KIF5C: variants seen among roughly 807,000 people sequenced by gnomAD.
The protein encoded by KIF5C is kinesin family member 5C.
KIF5C carries 18 observed loss-of-function variants against 125.2 expected under a neutral mutation model. The observed-to-expected ratio is 0.14, with a 90% confidence interval of 0.10 to 0.21. The LOEUF is 0.21. KIF5C is among the 10% of genes least tolerant of loss of function. The pLI, the probability that KIF5C is intolerant of heterozygous loss-of-function variation, is 1.00. For synonymous variants in KIF5C, 405 were observed against 434.0 expected (o/e 0.93, Z 0.83); for missense variants, 780 against 1,183.8 (o/e 0.66, Z 5.01).
At chr2:148,942,819 A>T in intron 7 of KIF5C, 59 bp downstream of exon 7, 1 of 1,568,000 alleles carries the variant, frequency 6.4e-7, no homozygotes, top group East Asian at 2.4e-5. Context: ...TCTGCCCACC[A>T]ACCGAGGGGG....
intron 1 of KIF5C, among the ~76,000 whole-genome samples, chr2:148,886,942 G>A (rs1470701313): frequency 1.3e-5 from 2 of 152,182 alleles, no homozygotes; most frequent in Middle Eastern, 3.4e-3. Flanking sequence ...ATGTTTTCTG[G>A]TCTAGACATT....
At chr2:149,009,346 G>T (rs1393799094) in intron 23 of KIF5C, among the ~76,000 whole-genome samples, 1 of 152,140 alleles carries the variant, frequency 6.6e-6, no homozygotes, top group Non-Finnish European at 1.5e-5. Context: ...TGTACTCTCT[G>T]CCAGGCACTA....
rs746931422 is a variant in KIF5C, at chr2:149,007,981, G to A, written c.2464G>A (p.Asp822Asn). ...AATGCAGAGTGTGGAGTTGGACAAC[G>A]ATGATGGAGGGGGCAGTGCTGCCCA... ...RVKKSVELDN[D>N]DGGGSAAQKQ... is the part of the protein sequence containing the mutation. The change falls in exon 23 of 26, where the codon GAT becomes AAT. Residue 822 changes from aspartate (D) to asparagine (N), a missense_variant. Asp to Asn is a conservative substitution (Grantham distance 23). Coordinates refer to ENST00000435030, the MANE Select transcript of KIF5C (RefSeq NM_004522.3). 3.1e-6 allele frequency: 5 copies of A among 1,608,668 alleles called. No individual in the cohort carries two copies. Among genetic ancestry groups the A allele is most frequent in the Non-Finnish European group, 4.3e-6 (5 of 1,176,200 alleles).
chr2:148,950,537 A>T (rs1682632726), intron 10 of KIF5C, 75 bp downstream of exon 10: 5 of 1,515,130 alleles, frequency 3.3e-6, no homozygotes, highest in African/African-American at 2.7e-5. Context: ...GGCTGGGTGC[A>T]ATGGCTCACA....
chr2:148,906,190 A>G (rs1681100382), intron 1 of KIF5C, among the ~76,000 whole-genome samples: 1 of 152,186 alleles, frequency 6.6e-6, no homozygotes, highest in Non-Finnish European at 1.5e-5. Flanking sequence ...TTCTCTTGCC[A>G]GTAAATTCAG....
intron 10 of KIF5C, among the ~76,000 whole-genome samples, chr2:148,957,919 G>T (rs1362646645): frequency 1.3e-5 from 2 of 151,154 alleles, no homozygotes; most frequent in Non-Finnish European, 2.9e-5. Flanking sequence ...AACATAGATT[G>T]TTATTGCCTG....
chr2:148,926,467 G>A (rs192949951), intron 2 of KIF5C, among the ~76,000 whole-genome samples: 89 of 152,338 alleles, frequency 5.8e-4, no homozygotes, highest in Non-Finnish European at 1.0e-3. Flanking sequence ...AATGCATTCC[G>A]TGGGCCCAGG....
At chr2:148,998,290 C>G (rs1460023325) in intron 18 of KIF5C, 110 bp from the exon 19 acceptor site, 1 of 1,485,854 alleles carries the variant, frequency 6.7e-7, no homozygotes, top group Non-Finnish European at 9.0e-7. Context: ...GTTTTGGGAT[C>G]TGACATCTGA....
intron 17 of KIF5C, 117 bp from the exon 18 acceptor site, chr2:148,997,147 A>G (rs1386733642): frequency 1.4e-6 from 2 of 1,448,426 alleles, no homozygotes; most frequent in Admixed American, 2.3e-5. Context: ...GTAATTGCTG[A>G]TATAAGCTGA....
rs140919650 is a variant in KIF5C at position 148,949,250 on chromosome 2, C to T, written c.715-589C>T. Among the ~76,000 whole-genome samples the T allele has an allele frequency of 1.6e-3, 244 of 152,246 alleles. 2 individuals carry two copies. The highest frequency in any genetic ancestry group is 0.014 in the Middle Eastern group (4 of 294). Reference sequence around the variant, plus strand: ...CTGCAGAGGAAAAAAGACAAATTTACGATGCAGTATACATTTGACTTTTCA... The same window carrying T: ...CTGCAGAGGAAAAAAGACAAATTTATGATGCAGTATACATTTGACTTTTCA... On this transcript the variant is annotated intron_variant, in intron 8 of 25. Transcript: ENST00000435030.
intron 3 of KIF5C, among the ~76,000 whole-genome samples, chr2:148,932,143 A>G (rs1365391724): frequency 1.3e-5 from 2 of 152,192 alleles, no homozygotes; most frequent in African/African-American, 4.8e-5. Context: ...CTGGAATGCA[A>G]TTAAGTCAAA....
intron 10 of KIF5C, among the ~76,000 whole-genome samples, chr2:148,959,924 T>C (rs538603089): frequency 1.3e-5 from 2 of 152,346 alleles, no homozygotes; most frequent in African/African-American, 4.8e-5. Context: ...AATCTTTTCC[T>C]TCTAGCCTTC....
chr2:148,980,692 T>TTATG (rs977643642), intron 13 of KIF5C, among the ~76,000 whole-genome samples: 1 of 139,818 alleles, frequency 7.2e-6, no homozygotes, highest in Non-Finnish European at 1.5e-5. Context: ...ATTTATTTAT[T>TTATG]TATTTATTTA....
chr2:148,885,375 G>C (rs1681487430), intron 1 of KIF5C, among the ~76,000 whole-genome samples: 1 of 152,180 alleles, frequency 6.6e-6, no homozygotes, highest in South Asian at 2.1e-4. Flanking sequence ...CTGCTCTGTG[G>C]CCTTCTCCCT....
intron 21 of KIF5C, among the ~76,000 whole-genome samples, chr2:149,002,949 G>A (rs971521913): frequency 6.6e-6 from 1 of 152,124 alleles, no homozygotes; most frequent in Non-Finnish European, 1.5e-5. Context: ...CTCCCTGCTC[G>A]TCCGTTCTCT....
chr2:148,971,631 AT>A (rs1680912458), intron 11 of KIF5C, among the ~76,000 whole-genome samples: 1 of 152,228 alleles, frequency 6.6e-6, no homozygotes, highest in African/African-American at 2.4e-5. Flanking sequence ...GGTTGGCTCA[AT>A]TTTGTATTCA....
intron 2 of KIF5C, among the ~76,000 whole-genome samples, chr2:148,928,019 C>T (rs1682069503): frequency 6.6e-6 from 1 of 151,996 alleles, no homozygotes. Context: ...CCTAAAATAA[C>T]ATATTGCTTT....
intron 10 of KIF5C, among the ~76,000 whole-genome samples, chr2:148,955,925 G>C (rs530251421): frequency 1.3e-5 from 2 of 152,206 alleles, no homozygotes; most frequent in Admixed American, 6.5e-5. Context: ...TGAAATAAAA[G>C]GTATGAAGGT....
chr2:148,959,946 C>G (rs1016510031), intron 10 of KIF5C, among the ~76,000 whole-genome samples: 2 of 152,200 alleles, frequency 1.3e-5, no homozygotes, highest in Non-Finnish European at 2.9e-5. Flanking sequence ...CTCTCTGGCT[C>G]CCCTTCAGCT....
Sources: gnomAD v4.1 joint callset for allele counts (sites outside exome capture counted in the v4.1 genomes callset) on GRCh38, gnomAD v4.1.1 for gene constraint, MANE v1.5 for transcripts, NCBI Gene and HGNC (gene_info 2026-07-23, HGNC 2026-07-21) for gene names.